The following KLF12 variants were observed in gnomAD, a reference collection of about 807,000 sequenced individuals.
KLF12 encodes KLF transcription factor 12.
Under a neutral mutation model 37.8 loss-of-function variants are expected in KLF12, and 9 were observed. That is an observed-to-expected ratio of 0.24 (90% CI 0.14 to 0.42). The LOEUF (loss-of-function observed/expected upper bound fraction) is 0.42. Among genes scored for constraint, KLF12 ranks in the 10% least tolerant of loss-of-function variants. The pLI is 1.00. For missense variants in KLF12, 411 were observed against 516.0 expected (o/e 0.80, Z 1.97); for synonymous variants, 208 against 202.1 (o/e 1.03, Z -0.25).
upstream of KLF12, among the ~76,000 whole-genome samples, chr13:74,138,035 C>T (rs141858035): frequency 0.018 from 2,694 of 152,326 alleles, 89 homozygotes; most frequent in African/African-American, 0.059. Flanking sequence ...GGATTACAGG[C>T]GGGAGCCACC....
chr13:74,226,956 C>G, the KLF12 span, among the ~76,000 whole-genome samples: 6 of 152,118 alleles, frequency 3.9e-5, 1 homozygote, highest in Non-Finnish European at 8.8e-5. Flanking sequence ...GATTTCTTTG[C>G]CTCCAGTCTT....
chr13:73,914,230 G>T (rs1888705755), intron 3 of KLF12, among the ~76,000 whole-genome samples: 1 of 152,216 alleles, frequency 6.6e-6, no homozygotes, highest in Middle Eastern at 3.4e-3. Flanking sequence ...CTGGCACCCG[G>T]GTTTACCACC....
intron 1 of KLF12, among the ~76,000 whole-genome samples, chr13:74,100,125 A>T (rs1378468244): frequency 6.6e-6 from 1 of 152,104 alleles, no homozygotes; most frequent in Non-Finnish European, 1.5e-5. Context: ...GGGGTGAAGG[A>T]AGAGGAGATG....
intron 6 of KLF12, among the ~76,000 whole-genome samples, chr13:73,723,153 T>C (rs1436218100): frequency 2.0e-5 from 3 of 152,228 alleles, no homozygotes; most frequent in African/African-American, 7.2e-5. Flanking sequence ...GGCTATATTA[T>C]CAAACTTTTA....
the KLF12 span, among the ~76,000 whole-genome samples, chr13:74,286,045 C>T: frequency 1.3e-5 from 2 of 152,268 alleles, no homozygotes; most frequent in Admixed American, 1.3e-4. Context: ...TCTCCCCAAC[C>T]ACTACTCTTA....
At chr13:73,853,002 T>TG (rs920134675) in intron 3 of KLF12, among the ~76,000 whole-genome samples, 2 of 151,446 alleles carry the variant, frequency 1.3e-5, no homozygotes, top group Non-Finnish European at 2.9e-5. Flanking sequence ...CCCAAGTAGC[T>TG]GGGACTACAG....
intron 5 of KLF12, among the ~76,000 whole-genome samples, chr13:73,796,910 T>C (rs912970101): frequency 6.6e-6 from 1 of 152,116 alleles, no homozygotes; most frequent in Non-Finnish European, 1.5e-5. Flanking sequence ...AAAAACATTA[T>C]GCAATGAAAG....
chr13:73,722,183 T>C (rs1486304103), intron 6 of KLF12, among the ~76,000 whole-genome samples: 1 of 152,170 alleles, frequency 6.6e-6, no homozygotes, highest in African/African-American at 2.4e-5. Flanking sequence ...GTAGGTAGAA[T>C]GACTTCTTTG....
the KLF12 span, among the ~76,000 whole-genome samples, chr13:74,222,769 T>C: frequency 1.3e-5 from 2 of 152,202 alleles, no homozygotes; most frequent in African/African-American, 2.4e-5. Flanking sequence ...TCCAAAGTGG[T>C]CAAATTTATT....
chr13:73,839,888 C>T (rs184821797), intron 4 of KLF12, among the ~76,000 whole-genome samples: 29 of 152,222 alleles, frequency 1.9e-4, no homozygotes, highest in African/African-American at 6.5e-4. Context: ...TATAAACTTG[C>T]TATACTATCT....
intron 1 of KLF12, among the ~76,000 whole-genome samples, chr13:74,076,797 A>T (rs111397383): frequency 0.05 from 7,538 of 150,858 alleles, 612 homozygotes; most frequent in African/African-American, 0.17. Flanking sequence ...CCCTCCTCCC[A>T]CCCTCCACCC....
chr13:74,182,871 C>T, the KLF12 span, among the ~76,000 whole-genome samples: 1 of 151,622 alleles, frequency 6.6e-6, no homozygotes, highest in South Asian at 2.1e-4. Context: ...AGGTATATAA[C>T]ACTTTAGTAC....
intron 1 of KLF12, among the ~76,000 whole-genome samples, chr13:74,131,510 C>T (rs1379388853): frequency 6.6e-6 from 1 of 152,192 alleles, no homozygotes; most frequent in Admixed American, 6.5e-5. Context: ...GGACCATTTA[C>T]TCCCAAATGA....
At chr13:73,971,494 A>C (rs548260769) in intron 2 of KLF12, among the ~76,000 whole-genome samples, 20 of 151,736 alleles carry the variant, frequency 1.3e-4, no homozygotes, top group Non-Finnish European at 2.6e-4. Context: ...TTCCAGTTTA[A>C]GTCCACCTCC....
At chr13:74,070,968 G>A (rs1874200455) in intron 1 of KLF12, among the ~76,000 whole-genome samples, 1 of 152,180 alleles carries the variant, frequency 6.6e-6, no homozygotes, top group Non-Finnish European at 1.5e-5. Context: ...CTCTAATACT[G>A]TTAACACAAC....
At chr13:74,065,622 C>T (rs1199491726) in intron 1 of KLF12, among the ~76,000 whole-genome samples, 1 of 151,992 alleles carries the variant, frequency 6.6e-6, no homozygotes, top group Non-Finnish European at 1.5e-5. Flanking sequence ...AGTGGATATA[C>T]ACAGAATCCA....
the KLF12 span, among the ~76,000 whole-genome samples, chr13:74,236,101 C>A: frequency 6.7e-6 from 1 of 148,356 alleles, no homozygotes; most frequent in African/African-American, 2.6e-5. Flanking sequence ...CCCGCTCCCC[C>A]AACCCACAAC....
At chr13:73,803,702 C>T (rs1336481779) in intron 5 of KLF12, among the ~76,000 whole-genome samples, 2 of 151,116 alleles carry the variant, frequency 1.3e-5, no homozygotes, top group African/African-American at 4.9e-5. Flanking sequence ...GGATACAGTG[C>T]TAGCTCTGGA....
At chr13:74,086,691 A>G (rs924720820) in intron 1 of KLF12, among the ~76,000 whole-genome samples, 4 of 152,082 alleles carry the variant, frequency 2.6e-5, no homozygotes, top group Non-Finnish European at 5.9e-5. Flanking sequence ...ACTGACCCCT[A>G]CCTCGGGCAC....
Sources: gnomAD v4.1 joint callset for allele counts (sites outside exome capture counted in the v4.1 genomes callset) on GRCh38, gnomAD v4.1.1 for gene constraint, MANE v1.5 for transcripts, NCBI Gene and HGNC (gene_info 2026-07-23, HGNC 2026-07-21) for gene names.